Variants in IK observed in about 807,000 individuals in gnomAD.
IK encodes the protein protein Red.
Under a neutral mutation model 90.9 loss-of-function variants are expected in IK, and 47 were observed. The observed-to-expected ratio is 0.52, with a 90% CI of 0.41 to 0.66. The LOEUF is 0.66. IK is among the 30% of genes least tolerant of loss of function. The pLI is 0.00. For synonymous variants in IK, 201 were observed against 227.5 expected (o/e 0.88, Z 1.05); for missense variants, 385 against 709.3 (o/e 0.54, Z 5.19).
intron 14 of IK, 127 bp downstream of exon 14, chr5:140,659,961 G>A: frequency 1.1e-6 from 1 of 934,658 alleles, no homozygotes; most frequent in East Asian, 2.6e-5. Flanking sequence ...TTGACAGAAT[G>A]AAACCATCCC....
At chr5:140,652,603 G>A (rs1561973990) in intron 4 of IK, among the ~76,000 whole-genome samples, 1 of 152,172 alleles carries the variant, frequency 6.6e-6, no homozygotes, top group Non-Finnish European at 1.5e-5. Flanking sequence ...TATTCTGAGA[G>A]TGGACCAGCA....
At chr5:140,652,313 C>T (rs538859115) in intron 4 of IK, among the ~76,000 whole-genome samples, 166 bp downstream of exon 4, 1 of 151,968 alleles carries the variant, frequency 6.6e-6, no homozygotes, top group South Asian at 2.1e-4. Context: ...TTGGAATAGG[C>T]CTATCTATAT....
chr5:140,657,787 G>T, intron 10 of IK, 125 bp downstream of exon 10: 1 of 634,684 alleles, frequency 1.6e-6, no homozygotes. Context: ...AAAAATGGGA[G>T]TACTGGAGCA....
At chr5:140,651,685 A>G (rs777941774) in intron 2 of IK, 29 bp from the exon 3 acceptor site, 18 of 1,137,994 alleles carry the variant, frequency 1.6e-5, no homozygotes, top group Non-Finnish European at 2.4e-5. Flanking sequence ...TTGAGTCCTA[A>G]TATTTAAAAT....
At chr5:140,648,817 A>G in intron 2 of IK, 1 of 408,820 alleles carries the variant, frequency 2.4e-6, no homozygotes, top group South Asian at 3.0e-5. Context: ...AAATTAAAAC[A>G]TAGGAAATAA....
intron 13 of IK, 70 bp from the exon 14 acceptor site, chr5:140,659,686 A>T: frequency 1.0e-6 from 1 of 967,562 alleles, no homozygotes; most frequent in Non-Finnish European, 1.6e-6. Flanking sequence ...AATGTTTTTT[A>T]AGTGTGTTGT....
At position 140,652,125 on chromosome 5, in the gene IK, G is replaced by T; in HGVS notation, c.214G>T (p.Ala72Ser). ...GTACAATGAGGATGAAGACCCAGCT[G>T]CACGAAGGAGGAAAAAGAAAAGGTG... The part of the protein sequence containing the change: ...REYNEDEDPA[A>S]RRRKKKSYYA... Residue 72 changes from alanine to serine, a missense_variant, in exon 4 of 20, where the codon GCA becomes TCA. Physicochemically the swap from Ala to Ser is moderately conservative, Grantham distance 99. This residue lies in a region of IK where 64 missense variants were observed against 144.6 expected (regional missense o/e 0.44). Coordinates refer to ENST00000417647, the MANE Select transcript of IK (RefSeq NM_006083.4). 6.2e-7 allele frequency: 1 copy of T among 1,613,584 alleles called. No homozygotes were observed.
At chr5:140,651,438 T>TAAAA (rs79493817) in intron 2 of IK, among the ~76,000 whole-genome samples, 11 of 111,944 alleles carry the variant, frequency 9.8e-5, no homozygotes, top group Admixed American at 4.0e-4. Flanking sequence ...GACTCTGTCT[T>TAAAA]AAAAAAAAAA....
At position 140,661,749 on chromosome 5, in the gene IK, G is replaced by A. The variant is rs1757805109; in HGVS notation, c.1502+41G>A. The A allele has an allele frequency of 6.6e-7, 1 of 1,508,794 alleles. No homozygotes were observed. Among genetic ancestry groups the A allele is most frequent in the Non-Finnish European group, 9.1e-7 (1 of 1,098,326 alleles). 93.5% of individuals were successfully genotyped at this position (1,508,794 alleles called of 1,614,324 possible). A position where few individuals can be genotyped will look rare whatever the true frequency, so the allele number is the denominator to read the frequency against. ...ATATGGGCAGGGTGTGAGGAGGGGT[G>A]TGGGGATTTGGTGGAATAGTGCATA... On this transcript the variant is annotated intron_variant, in intron 17 of 19. Coordinates refer to ENST00000417647, the MANE Select transcript of IK (RefSeq NM_006083.4). The surrounding 1 kb of genome is among the most constrained non-coding windows in gnomAD (Gnocchi z 4.2).
rs561634572 is a variant in IK, at chr5:140,654,665, T to A, written c.591-16T>A. 48 of 1,596,454 alleles carry A rather than the reference T, an allele frequency of 3.0e-5. No individual in the cohort carries two copies. In the South Asian group the frequency reaches 4.8e-4, roughly 16 times the overall value. ...AGAGCACATTTAGCAAAAATAAAAC[T>A]TTTTTGTCTTTTCAGGAAAGATGAG... is the stretch of plus-strand genomic sequence containing the variant. On this transcript the variant is annotated splice_polypyrimidine_tract_variant and intron_variant, in intron 7 of 19. Coordinates refer to ENST00000417647, the MANE Select transcript of IK (RefSeq NM_006083.4).
rs751063852 is a variant in IK, at chr5:140,659,756, G to T, written c.1196G>T (p.Gly399Val). 1 of 1,587,540 alleles carries T rather than the reference G, an allele frequency of 6.3e-7. No individual in the cohort carries two copies. Among genetic ancestry groups the T allele is most frequent in the Admixed American group, 1.8e-5 (1 of 56,108 alleles). The change falls in exon 14 of 20, where the codon GGA becomes GTA. Residue 399 changes from glycine (G) to valine (V), a missense_variant and splice_region_variant. Physicochemically the swap from Gly to Val is moderately radical, Grantham distance 109. This residue lies in a region of IK where 139 missense variants were observed against 172.0 expected (regional missense o/e 0.81). Transcript: ENST00000417647. ...VDDEPMDVDK[G>V]PGSTKELIKS... Reference sequence around the variant, plus strand: ...TGGGCTGAGTTCTCTTTTCTCCTAGGACCTGGGTCTACCAAGGAGTTGATC... The same window carrying T: ...TGGGCTGAGTTCTCTTTTCTCCTAGTACCTGGGTCTACCAAGGAGTTGATC...
intron 15 of IK, 97 bp downstream of exon 15, chr5:140,660,292 C>CCTTTTTTTTTTTTTTTTTTT (rs1757781333): frequency 4.1e-6 from 1 of 245,102 alleles, no homozygotes; most frequent in Non-Finnish European, 7.1e-6. Context: ...AGGGCTACTT[C>CCTTTTTTTTTTTTTTTTTTT]TTTTTTTTTT....
chr5:140,648,364 C>A, intron 1 of IK, 107 bp from the exon 2 acceptor site: 1 of 963,258 alleles, frequency 1.0e-6, no homozygotes, highest in Non-Finnish European at 1.7e-6. Context: ...TTGACACTGT[C>A]GCTGTTCTAA....
At chr5:140,648,710 AG>A (rs1386960739) in intron 2 of IK, among the ~76,000 whole-genome samples, 173 bp downstream of exon 2, 1 of 151,404 alleles carries the variant, frequency 6.6e-6, no homozygotes, top group Non-Finnish European at 1.5e-5. Flanking sequence ...TAAGGGTATT[AG>A]AAGGGAAATT....
Position 140,661,491 on chromosome 5 carries a change from C to T in IK, c.1414-129C>T. The T allele has an allele frequency of 1.6e-6, 1 of 642,182 alleles. No individual in the cohort carries two copies. Among genetic ancestry groups the T allele is most frequent in the Non-Finnish European group, 2.8e-6 (1 of 357,090 alleles). The allele number at this position is 642,182 out of a possible 1,614,324, so 39.8% of individuals were successfully genotyped here. A position where few individuals can be genotyped will look rare whatever the true frequency, so the allele number is the denominator to read the frequency against. On this transcript the variant is annotated intron_variant, in intron 16 of 19. Coordinates refer to ENST00000417647, the MANE Select transcript of IK (RefSeq NM_006083.4). This position sits in a 1 kb window ranked among gnomAD's most constrained non-coding sequence, Gnocchi z 4.2. Reference sequence around the variant, plus strand: ...AGTATGTAATAAGCATTTATTATTACTTATCAGGGTATGATTTATGAATTG... The same window carrying T: ...AGTATGTAATAAGCATTTATTATTATTTATCAGGGTATGATTTATGAATTG...
At position 140,658,794 on chromosome 5, in the gene IK, T is replaced by C. The variant is rs779216756; in HGVS notation, c.950+18T>C. 6.2e-7 allele frequency: 1 copy of C among 1,608,866 alleles called. No individual in the cohort carries two copies. Among genetic ancestry groups the C allele is most frequent in the Non-Finnish European group, 8.5e-7 (1 of 1,176,498 alleles). ...GACATGAAGTATGTATCCTAGCCCC[T>C]GGCATCTGATCAGAGGGAGGGGGTC... On this transcript the variant is annotated intron_variant, in intron 11 of 19. Transcript: ENST00000417647.
chr5:140,654,259 G>A lies in IK; in HGVS notation c.519+207G>A, dbSNP rs143623622. ...TGGAGAAACCTTCCCTGATCACCCA[G>A]GTGTGGTTAAGCACTTCCCTTCACC... On this transcript the variant is annotated intron_variant, in intron 6 of 19. Transcript: ENST00000417647. 1.9e-3 allele frequency among the ~76,000 whole-genome samples: 288 copies of A among 152,306 alleles called. 1 individual carries two copies. The highest frequency in any genetic ancestry group is 6.6e-3 in the African/African-American group (273 of 41,556).
intron 14 of IK, 71 bp downstream of exon 14, chr5:140,659,905 C>T (rs1581485439): frequency 1.8e-6 from 2 of 1,088,460 alleles, no homozygotes; most frequent in South Asian, 1.3e-5. Flanking sequence ...CCCTGCCTCC[C>T]TGCTCCCTCC....
intron 1 of IK, 77 bp from the exon 2 acceptor site, chr5:140,648,394 A>G: frequency 7.8e-7 from 1 of 1,282,266 alleles, no homozygotes; most frequent in Non-Finnish European, 1.1e-6. Flanking sequence ...TGTATTGTTC[A>G]CTACTATATC....
Sources: allele counts gnomAD v4.1 joint callset (sites outside exome capture counted in the v4.1 genomes callset), GRCh38; gene constraint gnomAD v4.1.1; regional missense constraint gnomAD v4.1.1; non-coding constraint Gnocchi (gnomAD v3.1); transcripts MANE v1.5; gene names NCBI Gene and HGNC (gene_info 2026-07-23, HGNC 2026-07-21).